CLASP2: variants seen among roughly 807,000 people sequenced by gnomAD.
CLASP2 encodes cytoplasmic linker associated protein 2.
Under a neutral mutation model 194.4 loss-of-function variants are expected in CLASP2, and 47 were observed. The observed-to-expected ratio is 0.24, with a 90% CI of 0.19 to 0.31. CLASP2 has a LOEUF of 0.31. CLASP2 is among the 10% of genes least tolerant of loss of function. CLASP2 has a pLI of 1.00. For synonymous variants in CLASP2, 619 were observed against 633.5 expected, an observed-to-expected ratio of 0.98 and a Z score of 0.34; for missense variants, 1,445 against 1,823.6, an observed-to-expected ratio of 0.79 and a Z score of 3.78.
At chr3:33,562,421 A>T (rs995955809) in intron 27 of CLASP2, among the ~76,000 whole-genome samples, 1 of 152,080 alleles carries the variant, frequency 6.6e-6, no homozygotes, top group Admixed American at 6.5e-5. Context: ...GCATGTAACT[A>T]ATCTGGTACT....
At chr3:33,498,970 C>A (rs1275417489) in intron 38 of CLASP2, among the ~76,000 whole-genome samples, 1 of 151,834 alleles carries the variant, frequency 6.6e-6, no homozygotes, top group Non-Finnish European at 1.5e-5. Context: ...AGTATTTTAT[C>A]ATGTCTTTTC....
chr3:33,641,936 A>C (rs2081380126), intron 8 of CLASP2, among the ~76,000 whole-genome samples: 2 of 151,972 alleles, frequency 1.3e-5, no homozygotes, highest in Non-Finnish European at 1.5e-5. Flanking sequence ...CTGAATCACC[A>C]CCATTCAATG....
intron 25 of CLASP2, among the ~76,000 whole-genome samples, 200 bp downstream of exon 25, chr3:33,572,910 A>AATTTTT (rs1336767085): frequency 2.0e-5 from 3 of 147,332 alleles, no homozygotes; most frequent in African/African-American, 7.7e-5. Context: ...TAGAACAAAT[A>AATTTTT]ATTTTTTTTT....
intron 33 of CLASP2, among the ~76,000 whole-genome samples, chr3:33,538,054 T>C (rs1016944960): frequency 6.6e-6 from 1 of 151,296 alleles, no homozygotes; most frequent in East Asian, 2.0e-4. Flanking sequence ...GGCAGGAGAA[T>C]GGCGTGAACC....
chr3:33,596,674 A>C, intron 19 of CLASP2, 37 bp downstream of exon 19: 1 of 1,476,464 alleles, frequency 6.8e-7, no homozygotes, highest in East Asian at 2.4e-5. Flanking sequence ...CAGGTTCCAT[A>C]AAAATCTTTA....
intron 18 of CLASP2, among the ~76,000 whole-genome samples, chr3:33,597,717 G>A (rs553996634): frequency 4.2e-4 from 63 of 151,230 alleles, no homozygotes; most frequent in African/African-American, 1.2e-3. Context: ...CAGAAACACT[G>A]TGAACATGTT....
chr3:33,670,752 G>A (rs1350992554), intron 6 of CLASP2, among the ~76,000 whole-genome samples: 1 of 152,156 alleles, frequency 6.6e-6, no homozygotes, highest in South Asian at 2.1e-4. Context: ...ACTCTTGAGA[G>A]TTAAAAACTC....
At chr3:33,605,582 A>T (rs1248610450) in intron 16 of CLASP2, among the ~76,000 whole-genome samples, 1 of 152,136 alleles carries the variant, frequency 6.6e-6, no homozygotes, top group East Asian at 1.9e-4. Flanking sequence ...GGAAACCGGC[A>T]ATCTTTGTGG....
At chr3:33,609,568 C>T (rs1577146372) in intron 13 of CLASP2, among the ~76,000 whole-genome samples, 1 of 152,298 alleles carries the variant, frequency 6.6e-6, no homozygotes, top group Non-Finnish European at 1.5e-5. Flanking sequence ...TGTATTTCTT[C>T]CTTTATTAAC....
chr3:33,499,202 T>G (rs1310072792), intron 38 of CLASP2, among the ~76,000 whole-genome samples: 1 of 152,110 alleles, frequency 6.6e-6, no homozygotes, highest in East Asian at 1.9e-4. Context: ...GCTCTGCAGC[T>G]CTCCCATTCT....
At chr3:33,621,873 C>T (rs897702963) in intron 11 of CLASP2, among the ~76,000 whole-genome samples, 3 of 151,960 alleles carry the variant, frequency 2.0e-5, no homozygotes, top group Non-Finnish European at 2.9e-5. Flanking sequence ...TCATCTTATA[C>T]TTGAAGAATT....
chr3:33,687,117 T>C lies in CLASP2; in HGVS notation c.489A>G (p.Leu163=). 1 of 1,600,450 alleles carries C rather than the reference T, an allele frequency of 6.2e-7. No individual in the cohort carries two copies. Among genetic ancestry groups the C allele is most frequent in the Non-Finnish European group, 8.5e-7 (1 of 1,173,036 alleles). The change falls in exon 5 of 39, where the codon CTA becomes CTG. Residue 163 remains leucine (L), a synonymous_variant. Transcript: ENST00000682230. ...AATGTGGTATCAATTTGCTGATGAC[T>C]AGTGGCTGAGCCCCAAAACTAAATA... ...ETLNIFGAQP[L]VISKLIPHLC... is the part of the protein sequence containing the mutation.
At chr3:33,633,701 A>C (rs2079549827) in intron 8 of CLASP2, among the ~76,000 whole-genome samples, 1 of 151,966 alleles carries the variant, frequency 6.6e-6, no homozygotes, top group Non-Finnish European at 1.5e-5. Context: ...AGGAATAAAC[A>C]GATGAACTTG....
chr3:33,689,758 T>C, intron 3 of CLASP2, 71 bp downstream of exon 3: 1 of 1,016,748 alleles, frequency 9.8e-7, no homozygotes, highest in Non-Finnish European at 1.4e-6. Context: ...TCAGTGTTCA[T>C]GCTTGCTGTG....
chr3:33,590,116 T>C (rs1333754700), intron 21 of CLASP2, among the ~76,000 whole-genome samples: 1 of 152,176 alleles, frequency 6.6e-6, no homozygotes, highest in Non-Finnish European at 1.5e-5. Context: ...TAAAAAATAA[T>C]GACAATTTTA....
chr3:33,521,191 T>C (rs1429888154), intron 34 of CLASP2, among the ~76,000 whole-genome samples: 2 of 152,160 alleles, frequency 1.3e-5, no homozygotes, highest in East Asian at 1.9e-4. Flanking sequence ...AAAATGTATG[T>C]CAATTTTCTC....
chr3:33,559,021 T>C (rs1270792693), intron 29 of CLASP2: 2 of 460,142 alleles, frequency 4.3e-6, no homozygotes, highest in African/African-American at 4.0e-5. Context: ...ATCAAATGTG[T>C]GCATGCGTAA....
chr3:33,646,838 T>C (rs765797799), intron 7 of CLASP2, among the ~76,000 whole-genome samples: 7 of 152,218 alleles, frequency 4.6e-5, no homozygotes, highest in Non-Finnish European at 1.0e-4. Context: ...ATCGTGTAAG[T>C]ACCCTCGAGA....
intron 1 of CLASP2, among the ~76,000 whole-genome samples, chr3:33,708,366 A>G (rs1419581401): frequency 6.6e-6 from 1 of 150,832 alleles, no homozygotes; most frequent in Non-Finnish European, 1.5e-5. Flanking sequence ...TTCACTTAGC[A>G]TAATGTCTTC....
Sources: allele counts gnomAD v4.1 joint callset (sites outside exome capture counted in the v4.1 genomes callset), GRCh38; gene constraint gnomAD v4.1.1; transcripts MANE v1.5; gene names NCBI Gene and HGNC (gene_info 2026-07-23, HGNC 2026-07-21).